The following GGNBP2 variants were observed in gnomAD, a reference collection of about 807,000 sequenced individuals.
GGNBP2 encodes the protein gametogenetin-binding protein 2.
GGNBP2 carries 10 observed loss-of-function variants against 85.9 expected under a neutral mutation model. The ratio of observed to expected loss-of-function variants is 0.12; its 90% CI spans 0.07 to 0.20. The LOEUF (loss-of-function observed/expected upper bound fraction) is 0.20. GGNBP2 is among the 10% of genes least tolerant of loss of function. GGNBP2 has a pLI of 1.00. For synonymous variants in GGNBP2, 287 were observed against 285.7 expected (o/e 1.00, Z -0.05); for missense variants, 595 against 857.8 (o/e 0.69, Z 3.83).
At position 36,545,812 on chromosome 17, in the gene GGNBP2, C is replaced by T; in HGVS notation, c.88C>T (p.Leu30=). 6.4e-7 allele frequency: 1 copy of T among 1,556,406 alleles called. No individual in the cohort carries two copies. Among genetic ancestry groups the T allele is most frequent in the East Asian group, 2.4e-5 (1 of 41,180 alleles). The part of the protein sequence containing the change: ...RQIPLYIDDT[L]TMVMEFPDNV... ...GATTCCCCTCTACATAGACGACACC[C>T]TGACGGTGAGCGGGCCGGGCCGGGC... Residue 30 remains leucine, a synonymous_variant, in exon 2 of 14, where the codon CTG becomes TTG. Coordinates refer to ENST00000613102, the MANE Select transcript of GGNBP2 (RefSeq NM_024835.5).
chr17:36,573,865 AT>A (rs780399990), intron 6 of GGNBP2, among the ~76,000 whole-genome samples: 16 of 151,806 alleles, frequency 1.1e-4, no homozygotes, highest in Non-Finnish European at 2.2e-4. Flanking sequence ...CCATTTATTT[AT>A]TTACTTTTAA....
chr17:36,554,272 G>A (rs184820754), intron 2 of GGNBP2, among the ~76,000 whole-genome samples: 27 of 116,894 alleles, frequency 2.3e-4, no homozygotes, highest in African/African-American at 8.2e-4. Context: ...TCATGCCACC[G>A]CACTCCAGCC....
In GGNBP2 at chr17:36,567,742, T is replaced by G; in HGVS notation, c.607T>G (p.Leu203Val). 6.2e-7 allele frequency: 1 copy of G among 1,603,894 alleles called. No individual in the cohort carries two copies. Among genetic ancestry groups the G allele is most frequent in the Non-Finnish European group, 8.5e-7 (1 of 1,170,846 alleles). The change falls in exon 6 of 14, where the codon TTA becomes GTA. Residue 203 changes from leucine to valine, a missense_variant. By Grantham distance (32) the Leu-to-Val change is conservative (BLOSUM62 1). This residue lies in a region of GGNBP2 where 216 missense variants were observed against 293.4 expected (regional missense o/e 0.74). Transcript: ENST00000613102. ...AGTTTTAATTGACTCGAGTTGTCTT[T>G]TAGAAACACTAGAAACATATCTGCG... is the stretch of plus-strand genomic sequence containing the variant. The part of the protein sequence containing the change: ...EVVLIDSSCL[L>V]ETLETYLRKH...
At chr17:36,587,474 A>G (rs2074714245) in intron 13 of GGNBP2, 1 of 531,570 alleles carries the variant, frequency 1.9e-6, no homozygotes, top group Non-Finnish European at 3.4e-6. Context: ...AGAAGACATT[A>G]TAGGTATTCC....
Position 36,568,046 on chromosome 17 carries a change from G to A in GGNBP2, c.641+270G>A, listed in dbSNP as rs1479917838. On this transcript the variant is annotated intron_variant, in intron 6 of 13. Transcript: ENST00000613102. The stretch of plus-strand genomic sequence containing the variant: ...GTTCAAGAGATTCTCCTGCCTCAGC[G>A]TCTCGAGTAGCTGGGATTACAGGCA... Among the ~76,000 whole-genome samples, 4 of 151,376 alleles carry A rather than the reference G, an allele frequency of 2.6e-5. No individual in the cohort carries two copies. The East Asian group carries it at 7.8e-4, about 30-fold the overall frequency.
At chr17:36,577,885 G>A in intron 6 of GGNBP2, 98 bp from the exon 7 acceptor site, 2 of 887,282 alleles carry the variant, frequency 2.3e-6, no homozygotes, top group Non-Finnish European at 3.7e-6. Context: ...TTTGGATGCT[G>A]TAGATGGGAG....
chr17:36,558,855 C>T (rs971289023), intron 4 of GGNBP2, among the ~76,000 whole-genome samples: 1 of 151,764 alleles, frequency 6.6e-6, no homozygotes, highest in African/African-American at 2.4e-5. Flanking sequence ...ACTTTGACCT[C>T]TGTATTGAGA....
intron 6 of GGNBP2, among the ~76,000 whole-genome samples, chr17:36,573,821 A>G (rs1555607254): frequency 6.6e-6 from 1 of 152,112 alleles, no homozygotes; most frequent in African/African-American, 2.4e-5. Flanking sequence ...CCATTTGTAT[A>G]TAATCTTTGG....
At chr17:36,586,323 C>T in intron 12 of GGNBP2, 125 bp downstream of exon 12, 1 of 1,203,236 alleles carries the variant, frequency 8.3e-7, no homozygotes. Flanking sequence ...GTTCTTTATG[C>T]AGTTCCATTG....
rs2074739142 is a variant in GGNBP2, at chr17:36,589,641, C to A, written c.*230C>A. On this transcript the variant is annotated 3_prime_UTR_variant, in exon 14 of 14. Coordinates refer to ENST00000613102, the MANE Select transcript of GGNBP2 (RefSeq NM_024835.5). Reference sequence around the variant, plus strand: ...CCATATGATTTAAGCCATCTCTTTTCATTAAATGTTTCTCTTCCTGTGAGA... The same window carrying A: ...CCATATGATTTAAGCCATCTCTTTTAATTAAATGTTTCTCTTCCTGTGAGA... 3.7e-6 allele frequency: 2 copies of A among 534,790 alleles called. No homozygotes were observed. The highest frequency in any genetic ancestry group is 1.9e-5 in the African/African-American group (1 of 52,622). 33.1% of individuals were successfully genotyped at this position (534,790 alleles called of 1,614,324 possible).
chr17:36,564,063 T>A (rs1029508490), intron 5 of GGNBP2, among the ~76,000 whole-genome samples: 1 of 152,230 alleles, frequency 6.6e-6, no homozygotes, highest in Admixed American at 6.5e-5. Flanking sequence ...CAGTATCTTT[T>A]AAAAATTTTT....
chr17:36,546,076 T>G, intron 2 of GGNBP2: 1 of 452,232 alleles, frequency 2.2e-6, no homozygotes, highest in South Asian at 5.2e-5. Context: ...CTTGACCCTT[T>G]CCCTTTAGGA....
intron 6 of GGNBP2, among the ~76,000 whole-genome samples, chr17:36,572,508 G>A (rs1236869161): frequency 6.6e-6 from 1 of 152,148 alleles, no homozygotes; most frequent in Non-Finnish European, 1.5e-5. Flanking sequence ...GGGCAACATG[G>A]CCAAACCCTG....
Position 36,548,838 on chromosome 17 carries a change from T to C in GGNBP2, c.93+3021T>C, listed in dbSNP as rs1271204711. ...GTGTGCCTGTAGACCCAGCTACTGA[T>C]GAGACTGAGGCAAGAGAATTGATTG... On this transcript the variant is annotated intron_variant, in intron 2 of 13. Coordinates refer to ENST00000613102, the MANE Select transcript of GGNBP2 (RefSeq NM_024835.5). Among the ~76,000 whole-genome samples the C allele has an allele frequency of 4.7e-5, 7 of 148,674 alleles. No individual in the cohort carries two copies. In the East Asian group the frequency reaches 1.4e-3, roughly 30 times the overall value.
Position 36,557,122 on chromosome 17 carries a change from A to C in GGNBP2, c.214A>C (p.Met72Leu), listed in dbSNP as rs2074370004. The change falls in exon 4 of 14, where the codon ATG becomes CTG. Residue 72 changes from methionine to leucine, a missense_variant. Met to Leu is a conservative substitution (Grantham distance 15). Coordinates refer to ENST00000613102, the MANE Select transcript of GGNBP2 (RefSeq NM_024835.5). ...MLKQQDLSIA[M>L]VVTSREVLSA... is the part of the protein sequence containing the mutation. ...TAAGCAACAGGATCTAAGTATTGCC[A>C]TGGTGGTGACATCACGCGAAGTCCT... is the stretch of plus-strand genomic sequence containing the variant. 6.2e-7 allele frequency: 1 copy of C among 1,614,054 alleles called. No individual in the cohort carries two copies. The highest frequency in any genetic ancestry group is 8.5e-7 in the Non-Finnish European group (1 of 1,180,010).
At chr17:36,571,800 G>A (rs1386070493) in intron 6 of GGNBP2, among the ~76,000 whole-genome samples, 6 of 152,036 alleles carry the variant, frequency 3.9e-5, no homozygotes, top group Admixed American at 6.6e-5. Flanking sequence ...CCGAGTTTGC[G>A]CCACTGCACT....
chr17:36,586,195 A>C lies in GGNBP2; in HGVS notation c.1638A>C (p.Glu546Asp), dbSNP rs898213711. ...KKKSKILKCD[E>D]HIQKLGSCIT... ...AAAGCAAGATACTGAAATGTGATGAACATGTAAGTGTCATAACTTGTAATT... is the reference window on the plus strand; with the variant it reads ...AAAGCAAGATACTGAAATGTGATGACCATGTAAGTGTCATAACTTGTAATT... The change falls in exon 12 of 14, where the codon GAA (glutamate) becomes GAC (aspartate). Residue 546 changes from glutamate (E) to aspartate (D), a missense_variant. This residue lies in a region of GGNBP2 where 120 missense variants were observed against 126.3 expected (regional missense o/e 0.95). Coordinates refer to ENST00000613102, the MANE Select transcript of GGNBP2 (RefSeq NM_024835.5). 1.9e-6 allele frequency: 3 copies of C among 1,611,072 alleles called. No homozygotes were observed. The highest frequency in any genetic ancestry group is 2.5e-6 in the Non-Finnish European group (3 of 1,179,644).
At chr17:36,584,079 ATTG>A (rs991691202) in intron 9 of GGNBP2, among the ~76,000 whole-genome samples, 1 of 152,214 alleles carries the variant, frequency 6.6e-6, no homozygotes. Flanking sequence ...CAAAATTCTG[ATTG>A]TTGTTTCAAT....
At chr17:36,550,226 A>G (rs979187215) in intron 2 of GGNBP2, among the ~76,000 whole-genome samples, 3 of 152,148 alleles carry the variant, frequency 2.0e-5, no homozygotes, top group African/African-American at 2.4e-5. Flanking sequence ...GCGTGAGCCA[A>G]TGCGCCCGGC....
Sources: allele counts gnomAD v4.1 joint callset (sites outside exome capture counted in the v4.1 genomes callset), GRCh38; gene constraint gnomAD v4.1.1; regional missense constraint gnomAD v4.1.1; transcripts MANE v1.5; gene names NCBI Gene and HGNC (gene_info 2026-07-23, HGNC 2026-07-21).